The following PCM1 variants were observed in gnomAD, a reference collection of about 807,000 sequenced individuals.
The protein encoded by PCM1 is pericentriolar material 1 protein.
PCM1 carries 157 observed loss-of-function variants against 241.9 expected under a neutral mutation model. The ratio of observed to expected loss-of-function variants is 0.65; its 90% confidence interval spans 0.57 to 0.74. PCM1 has a LOEUF of 0.74. PCM1 is among the 30% of genes least tolerant of loss of function. PCM1 has a pLI of 0.00. For missense variants in PCM1, 3,478 were observed against 2,360.1 expected (o/e 1.47, Z -9.81); for synonymous variants, 1,085 against 784.9 (o/e 1.38, Z -6.39).
chr8:17,955,422 TG>T, intron 9 of PCM1, 47 bp from the exon 10 acceptor site: 1 of 1,354,928 alleles, frequency 7.4e-7, no homozygotes, highest in Non-Finnish European at 1.0e-6. Context: ...TGTTTGTTTA[TG>T]GTAACTGGTG....
chr8:17,946,794 T>A (rs975621497), intron 6 of PCM1, among the ~76,000 whole-genome samples: 1 of 151,952 alleles, frequency 6.6e-6, no homozygotes, highest in African/African-American at 2.4e-5. Context: ...ATTAACCCAG[T>A]ATAATGTGCT....
intron 28 of PCM1, among the ~76,000 whole-genome samples, chr8:17,993,153 A>G (rs2085374817): frequency 6.6e-6 from 1 of 151,936 alleles, no homozygotes; most frequent in African/African-American, 2.4e-5. Flanking sequence ...TTGGTCATGA[A>G]GTCTTTGCCT....
chr8:17,974,045 C>T (rs1171597758), intron 23 of PCM1, among the ~76,000 whole-genome samples: 3 of 152,184 alleles, frequency 2.0e-5, no homozygotes. Context: ...TGTGAAGAAT[C>T]TGACGGATGG....
At chr8:17,972,194 T>C (rs208041) in intron 22 of PCM1, 135 bp from the exon 23 acceptor site, 1 of 497,866 alleles carries the variant, frequency 2.0e-6, no homozygotes, top group Non-Finnish European at 3.5e-6. Flanking sequence ...AATGTGTATT[T>C]TTGTGAAAAC....
intron 36 of PCM1, among the ~76,000 whole-genome samples, chr8:18,018,627 A>G (rs1444338125): frequency 6.6e-6 from 1 of 151,880 alleles, no homozygotes. Flanking sequence ...CCTGGCCAAT[A>G]TGGTGAAACC....
chr8:17,950,856 C>G, intron 8 of PCM1, 132 bp downstream of exon 8: 1 of 627,848 alleles, frequency 1.6e-6, no homozygotes, highest in Non-Finnish European at 2.8e-6. Flanking sequence ...TTGGTGGGGT[C>G]CCCCCCACCT....
chr8:18,000,200 G>A lies in PCM1; in HGVS notation c.4828-6063G>A, dbSNP rs147003656. Among the ~76,000 whole-genome samples the A allele has an allele frequency of 1.1e-3, 166 of 152,246 alleles. 1 individual carries two copies. Among genetic ancestry groups the A allele is most frequent in the Non-Finnish European group, 1.9e-3 (129 of 68,000 alleles). ...TGGCCTTAAGGTGAGAATTAGCTTCGCGTGTTGAAGGAACTAGAGGGAAAG... is the reference window on the plus strand; with the variant it reads ...TGGCCTTAAGGTGAGAATTAGCTTCACGTGTTGAAGGAACTAGAGGGAAAG... On this transcript the variant is annotated intron_variant, in intron 29 of 38. Transcript: ENST00000325083.
At chr8:17,923,452 C>A (rs996357142) in intron 1 of PCM1, among the ~76,000 whole-genome samples, 1 of 152,212 alleles carries the variant, frequency 6.6e-6, no homozygotes, top group Non-Finnish European at 1.5e-5. Flanking sequence ...GCCTCCTCGC[C>A]CCTCCTGCTG....
chr8:17,924,221 A>C (rs1221552973), intron 1 of PCM1, among the ~76,000 whole-genome samples: 1 of 152,138 alleles, frequency 6.6e-6, no homozygotes, highest in Non-Finnish European at 1.5e-5. Context: ...CTTCCTGGTG[A>C]GGACCCCTGA....
chr8:17,938,874 C>CGT lies in PCM1; in HGVS notation c.477_478insGT (p.Pro160ValfsTer21). 1.2e-6 allele frequency: 2 copies of CGT among 1,612,884 alleles called. No homozygotes were observed. The highest frequency in any genetic ancestry group is 1.7e-6 in the Non-Finnish European group (2 of 1,179,284). Reference sequence around the variant, plus strand: ...ACAAGAGCAAAGATGCATCTACAAACCCCCCAAACAGAGAAACGATTGGAT... The same window carrying CGT: ...ACAAGAGCAAAGATGCATCTACAAACGTCCCCCAAACAGAGAAACGATTGGAT... On this transcript the variant is annotated frameshift_variant, in exon 5 of 39. Transcript: ENST00000325083. LOFTEE classifies it high-confidence loss of function.
intron 23 of PCM1, among the ~76,000 whole-genome samples, chr8:17,977,067 G>A (rs544689224): frequency 1.3e-5 from 2 of 152,066 alleles, no homozygotes; most frequent in Non-Finnish European, 2.9e-5. Flanking sequence ...ATGTGATACA[G>A]TAACAGCATT....
Position 17,965,982 on chromosome 8 carries a change from T to G in PCM1, c.2856-17T>G. 1 of 1,588,012 alleles carries G rather than the reference T, an allele frequency of 6.3e-7. No individual in the cohort carries two copies. ...ATTATTATGTATGATGACTTAATGC[T>G]TTCAATCTTGTGTTAGGTGGAAGAA... On this transcript the variant is annotated splice_polypyrimidine_tract_variant and intron_variant, in intron 18 of 38. Transcript: ENST00000325083.
intron 24 of PCM1, among the ~76,000 whole-genome samples, chr8:17,984,247 TTAAG>T (rs1184571894): frequency 6.6e-6 from 1 of 152,070 alleles, no homozygotes; most frequent in African/African-American, 2.4e-5. Flanking sequence ...ATTTTTTAAA[TTAAG>T]TATGATTAAA....
At chr8:17,981,774 T>C (rs2080913188) in intron 24 of PCM1, among the ~76,000 whole-genome samples, 1 of 152,184 alleles carries the variant, frequency 6.6e-6, no homozygotes, top group African/African-American at 2.4e-5. Context: ...GAACTTTTTT[T>C]TGTTTTGTTT....
chr8:17,947,720 G>A (rs1209752953), intron 7 of PCM1, among the ~76,000 whole-genome samples: 1 of 152,054 alleles, frequency 6.6e-6, no homozygotes, highest in African/African-American at 2.4e-5. Context: ...GTCATTCTTT[G>A]CTTGCCTCCC....
At chr8:17,964,532 C>G (rs759991074) in intron 17 of PCM1, 36 bp from the exon 18 acceptor site, 1 of 1,534,620 alleles carries the variant, frequency 6.5e-7, no homozygotes, top group African/African-American at 1.4e-5. Flanking sequence ...AACTTATCTC[C>G]AGAATGACAT....
intron 3 of PCM1, 94 bp from the exon 4 acceptor site, chr8:17,937,040 T>A (rs1160889768): frequency 4.1e-6 from 4 of 964,648 alleles, no homozygotes; most frequent in Non-Finnish European, 4.5e-6. Flanking sequence ...TTGTCTTTTT[T>A]AATTTTAAAA....
intron 29 of PCM1, among the ~76,000 whole-genome samples, chr8:17,998,844 A>C (rs1168385550): frequency 1.3e-5 from 2 of 152,146 alleles, no homozygotes; most frequent in Non-Finnish European, 2.9e-5. Context: ...ATTCTGTCCT[A>C]CTGTGGCTAA....
chr8:18,000,585 C>A (rs1251285650), intron 29 of PCM1, among the ~76,000 whole-genome samples: 1 of 149,156 alleles, frequency 6.7e-6, no homozygotes, highest in South Asian at 2.1e-4. Context: ...ATGAAGAAGG[C>A]TTGGGAGAAG....
Sources: allele counts gnomAD v4.1 joint callset (sites outside exome capture counted in the v4.1 genomes callset), GRCh38; gene constraint gnomAD v4.1.1; transcripts MANE v1.5; gene names NCBI Gene and HGNC (gene_info 2026-07-23, HGNC 2026-07-21).